The following OPRM1 variants were observed in gnomAD, a reference collection of about 807,000 sequenced individuals.
OPRM1 encodes the protein mu-type opioid receptor.
OPRM1 carries 27 observed loss-of-function variants against 31.8 expected under a neutral mutation model. The ratio of observed to expected loss-of-function variants is 0.85; its 90% CI spans 0.63 to 1.17. OPRM1 has a LOEUF of 1.17. OPRM1 is among the 50% of genes most tolerant of loss of function. The pLI is 0.00. For synonymous variants in OPRM1, 196 were observed against 189.9 expected, an observed-to-expected ratio of 1.03 and a Z score of -0.26; for missense variants, 536 against 511.1, an observed-to-expected ratio of 1.05 and a Z score of -0.47.
chr6:154,154,263 TATCTC>T (rs1183527544), intron 3 of OPRM1, among the ~76,000 whole-genome samples: 7 of 152,348 alleles, frequency 4.6e-5, no homozygotes, highest in East Asian at 1.9e-4. Flanking sequence ...TTCAAATAAA[TATCTC>T]ATATGTTTTA....
At chr6:154,229,038 T>G (rs1427902739) in intron 3 of OPRM1, among the ~76,000 whole-genome samples, 1 of 152,230 alleles carries the variant, frequency 6.6e-6, no homozygotes, top group Non-Finnish European at 1.5e-5. Context: ...TTCCAAAACT[T>G]TTTCCCTATT....
At chr6:154,100,999 G>A (rs145761907) in intron 3 of OPRM1, among the ~76,000 whole-genome samples, 43 of 150,558 alleles carry the variant, frequency 2.9e-4, no homozygotes, top group African/African-American at 9.7e-4. Flanking sequence ...CCCTTGAAGT[G>A]TAAAAAGTAA....
intron 3 of OPRM1, among the ~76,000 whole-genome samples, chr6:154,201,883 A>G (rs2128593627): frequency 6.6e-6 from 1 of 152,344 alleles, no homozygotes; most frequent in South Asian, 2.1e-4. Flanking sequence ...CAACAGAGTG[A>G]GGCTCCATCT....
chr6:154,185,986 T>C (rs898902987), intron 3 of OPRM1, among the ~76,000 whole-genome samples: 3 of 152,222 alleles, frequency 2.0e-5, no homozygotes, highest in Non-Finnish European at 4.4e-5. Context: ...TTAACAGGGG[T>C]TATTGCTTGT....
intron 3 of OPRM1, among the ~76,000 whole-genome samples, chr6:154,174,488 A>C (rs901181519): frequency 3.3e-5 from 5 of 152,164 alleles, no homozygotes; most frequent in African/African-American, 1.2e-4. Flanking sequence ...CTATCAAGCA[A>C]ATGGAAAGCA....
At chr6:154,187,319 A>G (rs980789048) in intron 3 of OPRM1, among the ~76,000 whole-genome samples, 1 of 151,984 alleles carries the variant, frequency 6.6e-6, no homozygotes, top group South Asian at 2.1e-4. Context: ...TTTAACAACC[A>G]CCGAATCTAT....
intron 3 of OPRM1, among the ~76,000 whole-genome samples, chr6:154,243,259 C>T (rs1372142517): frequency 1.3e-5 from 2 of 152,132 alleles, no homozygotes; most frequent in Non-Finnish European, 2.9e-5. Context: ...CAAGGGAAAA[C>T]AAAACTGTGG....
At chr6:154,068,394 A>T (rs1353470404) in intron 1 of OPRM1, among the ~76,000 whole-genome samples, 2 of 152,072 alleles carry the variant, frequency 1.3e-5, no homozygotes, top group Non-Finnish European at 2.9e-5. Context: ...CCCAGCCTCC[A>T]TTCTATTCTC....
intron 1 of OPRM1, among the ~76,000 whole-genome samples, chr6:154,030,620 T>A (rs58601398): frequency 2.8e-5 from 4 of 143,696 alleles, no homozygotes; most frequent in Non-Finnish European, 4.4e-5. Flanking sequence ...ACAAAAAAAA[T>A]TTTTTTGTAT....
At chr6:154,207,449 T>C (rs1203934312) in intron 3 of OPRM1, among the ~76,000 whole-genome samples, 5 of 152,270 alleles carry the variant, frequency 3.3e-5, no homozygotes, top group Admixed American at 2.6e-4. Flanking sequence ...AGTACAGATA[T>C]TGAATAATCA....
In OPRM1 at chr6:154,127,861, A is replaced by G. The variant is rs1797682247; in HGVS notation, c.*9140A>G. ...TGTAATTCTCTTTGGCTGTAATACA[A>G]TTTGTTCCCGTCTGCCCCCAGGCTC... On this transcript the variant is annotated 3_prime_UTR_variant, in exon 4 of 4. Coordinates refer to ENST00000330432, the MANE Select transcript of OPRM1 (RefSeq NM_000914.5). Among the ~76,000 whole-genome samples the G allele has an allele frequency of 6.6e-6, 1 of 152,124 alleles. No individual in the cohort carries two copies. The highest frequency in any genetic ancestry group is 6.5e-5 in the Admixed American group (1 of 15,274).
intron 3 of OPRM1, among the ~76,000 whole-genome samples, chr6:154,092,714 G>A (rs757175894): frequency 3.3e-4 from 50 of 152,118 alleles, no homozygotes; most frequent in Non-Finnish European, 6.9e-4. Context: ...TTGACCAGAG[G>A]ACTAATGTAA....
intron 3 of OPRM1, chr6:154,158,487 T>C (rs1344087007): frequency 6.6e-6 from 1 of 152,220 alleles, no homozygotes; most frequent in East Asian, 1.9e-4. Context: ...AAAGTTTATT[T>C]AATAGAAAGG....
At position 154,113,369 on chromosome 6, in the gene OPRM1, T is replaced by C. The variant is rs183900935; in HGVS notation, c.1165-5314T>C. On this transcript the variant is annotated intron_variant, in intron 3 of 3. Transcript: ENST00000330432. ...AAATAAAATCCAAAGAGTGGCGCCA[T>C]TGCCAATTATTGCAAGGACTCAAAG... Among the ~76,000 whole-genome samples the C allele has an allele frequency of 1.9e-3, 288 of 152,258 alleles. 1 individual carries two copies. The highest frequency in any genetic ancestry group is 6.5e-3 in the African/African-American group (270 of 41,546).
At chr6:154,183,214 C>T (rs997347196) in intron 3 of OPRM1, among the ~76,000 whole-genome samples, 1 of 151,988 alleles carries the variant, frequency 6.6e-6, no homozygotes, top group Non-Finnish European at 1.5e-5. Flanking sequence ...CTCCTGACCT[C>T]GTGATCTGCC....
At position 154,221,328 on chromosome 6, in the gene OPRM1, A is replaced by C. The variant is rs756783893; in HGVS notation, c.1165-25365A>C. On this transcript the variant is annotated intron_variant, in intron 3 of 3. Transcript: ENST00000337049. ...TCTGTGGATGGCTGATCTTAAAAGC[A>C]CTTGAAGGAGGAAAAGCACAAACAC... 7 of 1,613,484 alleles carry C rather than the reference A, an allele frequency of 4.3e-6. No individual in the cohort carries two copies. In the African/African-American group the frequency reaches 8.0e-5, roughly 18 times the overall value.
intron 1 of OPRM1, among the ~76,000 whole-genome samples, chr6:154,027,386 C>T (rs966404205): frequency 3.3e-5 from 5 of 152,164 alleles, no homozygotes; most frequent in African/African-American, 1.2e-4. Context: ...ACACAAGCAC[C>T]CTTGAGACCA....
At position 154,168,249 on chromosome 6, in the gene OPRM1, A is replaced by G. The variant is rs1799593868; in HGVS notation, c.1164+76777A>G. 2 of 634,890 alleles carry G rather than the reference A, an allele frequency of 3.2e-6. No homozygotes were observed. The highest frequency in any genetic ancestry group is 3.0e-5 in the Admixed American group (1 of 33,876). The allele number at this position is 634,890 out of a possible 1,614,324, so 39.3% of individuals were successfully genotyped here. A position where few individuals can be genotyped will look rare whatever the true frequency, so the allele number is the denominator to read the frequency against. Reference sequence around the variant, plus strand: ...GACTTCTCTCCGGAACTGAAAGACAATAAATGTTTGCTGTCTAAGCCACCC... The same window carrying G: ...GACTTCTCTCCGGAACTGAAAGACAGTAAATGTTTGCTGTCTAAGCCACCC... On this transcript the variant is annotated intron_variant, in intron 3 of 3. Coordinates refer to the OPRM1 transcript ENST00000337049. The surrounding 1 kb of genome is among the most constrained non-coding windows in gnomAD (Gnocchi z 4.1).
chr6:154,211,894 G>A (rs1388238037), intron 3 of OPRM1, among the ~76,000 whole-genome samples: 1 of 152,156 alleles, frequency 6.6e-6, no homozygotes, highest in African/African-American at 2.4e-5. Flanking sequence ...AAAGGAGGAG[G>A]AGGAAGCAGC....
Sources: allele counts gnomAD v4.1 joint callset (sites outside exome capture counted in the v4.1 genomes callset), GRCh38; gene constraint gnomAD v4.1.1; non-coding constraint Gnocchi (gnomAD v3.1); transcripts MANE v1.5; gene names NCBI Gene and HGNC (gene_info 2026-07-23, HGNC 2026-07-21).